MCHR2: variants seen among roughly 807,000 people sequenced by gnomAD.
MCHR2 encodes the protein melanin concentrating hormone receptor 2, also known as melanin-concentrating hormone receptor 2.
MCHR2 carries 15 observed loss-of-function variants against 24.8 expected under a neutral mutation model. The ratio of observed to expected loss-of-function variants is 0.60; its 90% CI spans 0.40 to 0.93. The LOEUF (loss-of-function observed/expected upper bound fraction) is 0.93, where lower values mean the gene tolerates loss of function less well. Ranked by LOEUF, MCHR2 falls within the 40% of genes least tolerant of loss-of-function variation. The pLI is 0.00. For synonymous variants in MCHR2, 151 were observed against 147.6 expected (o/e 1.02, Z -0.17); for missense variants, 386 against 408.7 (o/e 0.94, Z 0.48).
Position 99,983,134 on chromosome 6 carries a change from G to GT in MCHR2, c.-28+10801dup, listed in dbSNP as rs34150413. Among the ~76,000 whole-genome samples the GT allele has an allele frequency of 1.9e-4, 29 of 151,848 alleles. No homozygotes were observed. In the East Asian group the frequency reaches 2.7e-3, roughly 14 times the overall value. On this transcript the variant is annotated intron_variant, in intron 1 of 5. Coordinates refer to ENST00000281806, the MANE Select transcript of MCHR2 (RefSeq NM_001040179.2). ...CACCACCATGCCCAGCTAATTTTTG[G>GT]TTTTTTTTGGTATTTTTGTAGAGAC...
intron 5 of MCHR2, among the ~76,000 whole-genome samples, chr6:99,932,123 T>A (rs989205875): frequency 6.6e-6 from 1 of 152,208 alleles, no homozygotes. Context: ...AAGGGTATTT[T>A]TGCTGGATAT....
chr6:99,979,987 AAG>A (rs1347851304), intron 1 of MCHR2, among the ~76,000 whole-genome samples: 4 of 152,220 alleles, frequency 2.6e-5, no homozygotes, highest in African/African-American at 4.8e-5. Flanking sequence ...TTGTTTGGTG[AAG>A]AGAGTTGTTT....
At chr6:99,942,491 G>C (rs1774790184) in intron 4 of MCHR2, among the ~76,000 whole-genome samples, 1 of 152,132 alleles carries the variant, frequency 6.6e-6, no homozygotes, top group Non-Finnish European at 1.5e-5. Flanking sequence ...AACTTAGCTT[G>C]ATTACATCTG....
At chr6:99,973,130 G>C (rs1283330590) in intron 1 of MCHR2, among the ~76,000 whole-genome samples, 1 of 151,698 alleles carries the variant, frequency 6.6e-6, no homozygotes, top group Non-Finnish European at 1.5e-5. Flanking sequence ...TTGACTTTCT[G>C]TCTCGTTGAT....
chr6:99,922,211 A>G (rs1448982907), intron 5 of MCHR2, among the ~76,000 whole-genome samples: 1 of 148,086 alleles, frequency 6.8e-6, no homozygotes, highest in Non-Finnish European at 1.5e-5. Context: ...GGTTCATGCC[A>G]TTCTCCTGCC....
chr6:99,979,874 A>C (rs1177507561), intron 1 of MCHR2, among the ~76,000 whole-genome samples: 5 of 152,228 alleles, frequency 3.3e-5, no homozygotes, highest in African/African-American at 1.2e-4. Flanking sequence ...GGGTTAAAGA[A>C]GAAAATTTCT....
chr6:99,972,529 T>C (rs1235211946), intron 1 of MCHR2, among the ~76,000 whole-genome samples: 3 of 152,156 alleles, frequency 2.0e-5, no homozygotes, highest in Non-Finnish European at 4.4e-5. Context: ...GATTCATTAA[T>C]TTTTTGAAGG....
intron 4 of MCHR2, among the ~76,000 whole-genome samples, chr6:99,942,538 G>A (rs1443577694): frequency 6.6e-6 from 1 of 152,100 alleles, no homozygotes; most frequent in Non-Finnish European, 1.5e-5. Flanking sequence ...ACATTCACAG[G>A]TATGGGGAGC....
chr6:99,962,525 C>T (rs931601504), intron 1 of MCHR2, among the ~76,000 whole-genome samples: 6 of 151,946 alleles, frequency 3.9e-5, no homozygotes, highest in East Asian at 1.9e-4. Flanking sequence ...CAAATGATGT[C>T]GAAAAATCTG....
At chr6:99,930,848 T>C (rs1000485161) in intron 5 of MCHR2, among the ~76,000 whole-genome samples, 1 of 152,240 alleles carries the variant, frequency 6.6e-6, no homozygotes, top group Admixed American at 6.5e-5. Context: ...CTCGTCAAAG[T>C]CATTCTCCAT....
intron 4 of MCHR2, among the ~76,000 whole-genome samples, chr6:99,937,139 C>T (rs866098224): frequency 2.0e-4 from 30 of 152,012 alleles, no homozygotes; most frequent in African/African-American, 7.0e-4. Context: ...AACATAATAT[C>T]ATGCCATCTG....
intron 2 of MCHR2, among the ~76,000 whole-genome samples, chr6:99,953,465 TC>T (rs1299211324): frequency 6.6e-6 from 1 of 152,066 alleles, no homozygotes; most frequent in Non-Finnish European, 1.5e-5. Context: ...CTAGAAACAT[TC>T]TCAAGTCTGT....
chr6:99,971,042 C>T (rs571626798), intron 1 of MCHR2, among the ~76,000 whole-genome samples: 1 of 152,108 alleles, frequency 6.6e-6, no homozygotes, highest in East Asian at 1.9e-4. Flanking sequence ...CTTGGTGATG[C>T]AGGCTCTTTT....
intron 1 of MCHR2, among the ~76,000 whole-genome samples, chr6:99,959,361 A>G (rs763180567): frequency 4.6e-5 from 7 of 151,924 alleles, no homozygotes; most frequent in Non-Finnish European, 8.8e-5. Flanking sequence ...CTGAATCTGT[A>G]GCTATGCTGC....
intron 5 of MCHR2, among the ~76,000 whole-genome samples, chr6:99,933,313 A>T (rs143335247): frequency 6.6e-6 from 1 of 152,264 alleles, no homozygotes; most frequent in East Asian, 1.9e-4. Context: ...GTCAGGAGCA[A>T]AATGATCTGA....
chr6:99,942,907 C>T, intron 4 of MCHR2, 42 bp downstream of exon 4: 2 of 1,518,680 alleles, frequency 1.3e-6, no homozygotes, highest in East Asian at 4.5e-5. Flanking sequence ...AAGTTCTTCA[C>T]AACTTAATTC....
At chr6:99,991,483 T>C (rs1465049246) in intron 1 of MCHR2, among the ~76,000 whole-genome samples, 1 of 152,188 alleles carries the variant, frequency 6.6e-6, no homozygotes, top group Admixed American at 6.5e-5. Flanking sequence ...TAATACTCTC[T>C]ACATAGTTAT....
rs1249363785 is a variant in MCHR2 at position 99,931,722 on chromosome 6, T to A, written c.707+2676A>T. On this transcript the variant is annotated intron_variant, in intron 5 of 5. Coordinates refer to ENST00000281806, the MANE Select transcript of MCHR2 (RefSeq NM_001040179.2). ...AGTATTAGGGTGGGAGTGACCCGAT[T>A]TTCCAGGTGCCGTCTGTCACCCCTT... Among the ~76,000 whole-genome samples, 3 of 152,294 alleles carry A rather than the reference T, an allele frequency of 2.0e-5. No individual in the cohort carries two copies. The East Asian group carries it at 5.8e-4, about 29-fold the overall frequency.
At chr6:99,938,191 T>C (rs1447981162) in intron 4 of MCHR2, among the ~76,000 whole-genome samples, 1 of 151,982 alleles carries the variant, frequency 6.6e-6, no homozygotes, top group African/African-American at 2.4e-5. Flanking sequence ...TTAGTCTCAA[T>C]TTTATTTATT....
Sources: allele counts gnomAD v4.1 joint callset (sites outside exome capture counted in the v4.1 genomes callset), GRCh38; gene constraint gnomAD v4.1.1; transcripts MANE v1.5; gene names NCBI Gene and HGNC (gene_info 2026-07-23, HGNC 2026-07-21).